The following WWP2 variants were observed in gnomAD, a reference collection of about 807,000 sequenced individuals.
WWP2 encodes WW domain containing E3 ubiquitin protein ligase 2.
Under a neutral mutation model 121.0 loss-of-function variants are expected in WWP2, and 57 were observed. The observed-to-expected ratio is 0.47, with a 90% CI of 0.38 to 0.59. WWP2 has a LOEUF of 0.59. Among genes scored for constraint, WWP2 ranks in the 20% least tolerant of loss-of-function variants. The pLI is 0.00. For synonymous variants in WWP2, 449 were observed against 441.3 expected, an observed-to-expected ratio of 1.02 and a Z score of -0.22; for missense variants, 962 against 1,158.9, an observed-to-expected ratio of 0.83 and a Z score of 2.47.
chr16:69,804,994 A>G (rs1384596261), intron 4 of WWP2, among the ~76,000 whole-genome samples: 1 of 150,022 alleles, frequency 6.7e-6, no homozygotes, highest in Non-Finnish European at 1.5e-5. Context: ...CAGTTTACTG[A>G]GTCCTTTAGT....
intron 6 of WWP2, among the ~76,000 whole-genome samples, chr16:69,860,237 A>T (rs1040936987): frequency 6.6e-6 from 1 of 152,122 alleles, no homozygotes; most frequent in Non-Finnish European, 1.5e-5. Context: ...ACTGGATTGG[A>T]AAGAATATGC....
chr16:69,940,914 A>G lies in WWP2; in HGVS notation c.*974A>G, dbSNP rs1267066688. On this transcript the variant is annotated 3_prime_UTR_variant, in exon 24 of 24. Coordinates refer to ENST00000359154, the MANE Select transcript of WWP2 (RefSeq NM_001270454.2). ...GCCTTGCCGCCTTCAATAGAGAAGAAATCCCTTTGCTAGATAGGGTCCCCC... is the reference window on the plus strand; with the variant it reads ...GCCTTGCCGCCTTCAATAGAGAAGAGATCCCTTTGCTAGATAGGGTCCCCC... The G allele has an allele frequency of 6.5e-6, 1 of 153,726 alleles. No individual in the cohort carries two copies. Among genetic ancestry groups the G allele is most frequent in the Admixed American group, 6.5e-5 (1 of 15,274 alleles). 9.5% of individuals were successfully genotyped at this position (153,726 alleles called of 1,614,324 possible).
chr16:69,932,295 A>G (rs1352694100), intron 16 of WWP2, among the ~76,000 whole-genome samples: 2 of 152,200 alleles, frequency 1.3e-5, no homozygotes, highest in Non-Finnish European at 2.9e-5. Context: ...GTGCCATTGC[A>G]CTCCATCCTG....
intron 4 of WWP2, among the ~76,000 whole-genome samples, chr16:69,814,246 G>A (rs1207282876): frequency 4.6e-5 from 7 of 151,922 alleles, no homozygotes; most frequent in Non-Finnish European, 7.4e-5. Flanking sequence ...CTGTAGCCTC[G>A]AACTCCTGGG....
At chr16:69,899,677 A>T (rs900281042) in intron 8 of WWP2, among the ~76,000 whole-genome samples, 4 of 142,170 alleles carry the variant, frequency 2.8e-5, no homozygotes, top group Non-Finnish European at 6.0e-5. Context: ...TGCAGAGCCA[A>T]GATTGTACCA....
At chr16:69,863,455 A>G (rs949290388) in intron 6 of WWP2, among the ~76,000 whole-genome samples, 1 of 152,006 alleles carries the variant, frequency 6.6e-6, no homozygotes, top group African/African-American at 2.4e-5. Flanking sequence ...CCTGGCCAAC[A>G]TGGTGAAACC....
intron 5 of WWP2, among the ~76,000 whole-genome samples, chr16:69,840,700 A>C (rs1167150452): frequency 2.6e-5 from 4 of 152,114 alleles, no homozygotes; most frequent in South Asian, 4.1e-4. Flanking sequence ...CAGAGCAGGG[A>C]ATTTGGAGAG....
rs74027205 is a variant in WWP2 at position 69,848,932 on chromosome 16, T to C, written c.575+6812T>C. 5.8e-3 allele frequency among the ~76,000 whole-genome samples: 886 copies of C among 152,346 alleles called. 11 individuals carry two copies. Among genetic ancestry groups the C allele is most frequent in the African/African-American group, 0.02 (846 of 41,570 alleles). ...TTTCAGAGCCTCTTAGATAGTTTTC[T>C]TTCTCACTCCTTTACTCTTCTTTTT... is the stretch of plus-strand genomic sequence containing the variant. On this transcript the variant is annotated intron_variant, in intron 6 of 23. Transcript: ENST00000359154.
At chr16:69,786,701 T>C (rs2055800371) in intron 1 of WWP2, among the ~76,000 whole-genome samples, 1 of 151,420 alleles carries the variant, frequency 6.6e-6, no homozygotes, top group African/African-American at 2.4e-5. Flanking sequence ...TCTGGCCATC[T>C]CGGCCTCCCA....
At position 69,940,170 on chromosome 16, in the gene WWP2, C is replaced by T; in HGVS notation, c.*230C>T. 3.5e-6 allele frequency: 2 copies of T among 567,098 alleles called. No homozygotes were observed. Among genetic ancestry groups the T allele is most frequent in the Non-Finnish European group, 6.3e-6 (2 of 318,764 alleles). 35.1% of individuals were successfully genotyped at this position (567,098 alleles called of 1,614,324 possible). On this transcript the variant is annotated 3_prime_UTR_variant, in exon 24 of 24. Coordinates refer to ENST00000359154, the MANE Select transcript of WWP2 (RefSeq NM_001270454.2). ...AGCCCCCTAGTTGCCTTTGGCCCCA[C>T]CTTTGCAAAGTTCCAGAGGGCTGAC...
intron 6 of WWP2, among the ~76,000 whole-genome samples, chr16:69,857,391 C>T (rs1029076432): frequency 1.9e-4 from 29 of 152,178 alleles, no homozygotes; most frequent in African/African-American, 6.0e-4. Context: ...CCACGCCTGG[C>T]GTAACTTTCC....
In WWP2 at chr16:69,787,134, A is replaced by G. The variant is rs191949362; in HGVS notation, c.70+54A>G. On this transcript the variant is annotated intron_variant, in intron 2 of 23. Coordinates refer to ENST00000359154, the MANE Select transcript of WWP2 (RefSeq NM_001270454.2). ...TTGTCTACGCCCAGGGAAGAGGGAGAATCTAACCACACCTTGGTCTGGGGA... is the reference window on the plus strand; with the variant it reads ...TTGTCTACGCCCAGGGAAGAGGGAGGATCTAACCACACCTTGGTCTGGGGA... 9.1e-5 allele frequency: 139 copies of G among 1,528,142 alleles called. No individual in the cohort carries two copies. The African/African-American group carries it at 1.2e-3, about 13-fold the overall frequency. The allele number at this position is 1,528,142 out of a possible 1,614,324, so 94.7% of individuals were successfully genotyped here.
intron 8 of WWP2, among the ~76,000 whole-genome samples, chr16:69,905,516 G>A (rs2058276095): frequency 6.6e-6 from 1 of 152,168 alleles, no homozygotes; most frequent in African/African-American, 2.4e-5. Context: ...AGGAAATACT[G>A]GAGAATTTAG....
intron 6 of WWP2, among the ~76,000 whole-genome samples, chr16:69,857,952 A>G (rs2057349015): frequency 6.6e-6 from 1 of 152,124 alleles, no homozygotes; most frequent in Admixed American, 6.5e-5. Flanking sequence ...CCGGCCTAAC[A>G]GTACAACTCT....
intron 2 of WWP2, among the ~76,000 whole-genome samples, chr16:69,795,314 C>T (rs1266446725): frequency 1.3e-5 from 2 of 151,700 alleles, no homozygotes; most frequent in Non-Finnish European, 2.9e-5. Flanking sequence ...ACATAGATGG[C>T]ATTTATCTAT....
intron 22 of WWP2, 61 bp from the exon 23 acceptor site, chr16:69,939,280 G>T (rs555146258): frequency 4.2e-4 from 675 of 1,605,658 alleles, no homozygotes; most frequent in Non-Finnish European, 5.2e-4. Flanking sequence ...TGGAGCCGGA[G>T]GATCCTGCTT....
chr16:69,854,943 C>T (rs1427148353), intron 6 of WWP2, among the ~76,000 whole-genome samples: 1 of 152,158 alleles, frequency 6.6e-6, no homozygotes, highest in Admixed American at 6.5e-5. Flanking sequence ...GCAGCCTCAA[C>T]CTCCAAGGCT....
chr16:69,857,166 C>G (rs979460734), intron 6 of WWP2, among the ~76,000 whole-genome samples: 11 of 151,988 alleles, frequency 7.2e-5, no homozygotes, highest in Non-Finnish European at 1.2e-4. Context: ...TGCAGTGGCG[C>G]CATCTCGGCT....
intron 4 of WWP2, among the ~76,000 whole-genome samples, chr16:69,825,472 G>A (rs996157058): frequency 7.2e-5 from 11 of 151,804 alleles, no homozygotes; most frequent in Non-Finnish European, 1.6e-4. Context: ...GCGATACCAT[G>A]GGAAAGGCTT....
Sources: allele counts gnomAD v4.1 joint callset (sites outside exome capture counted in the v4.1 genomes callset), GRCh38; gene constraint gnomAD v4.1.1; transcripts MANE v1.5; gene names NCBI Gene and HGNC (gene_info 2026-07-23, HGNC 2026-07-21).